PDE4D: variants seen among roughly 807,000 people sequenced by gnomAD.
The protein encoded by PDE4D is phosphodiesterase 4D, also known as 3',5'-cyclic-AMP phosphodiesterase 4D.
In PDE4D, 24 loss-of-function variants were observed where a neutral mutation model predicts 87.4. The observed-to-expected ratio is 0.27, with a 90% CI of 0.20 to 0.39. The LOEUF (loss-of-function observed/expected upper bound fraction) is 0.39, where lower values mean the gene tolerates loss of function less well. Ranked by LOEUF, PDE4D falls within the 10% of genes least tolerant of loss-of-function variation. The probability of loss-of-function intolerance (pLI) is 1.00; values close to 1 mark genes in which losing one functional copy is unlikely to be tolerated. For synonymous variants in PDE4D, 384 were observed against 383.2 expected (o/e 1.00, Z -0.02); for missense variants, 714 against 1,041.0 (o/e 0.69, Z 4.32).
At chr5:60,360,539 G>A (rs768997636) in intron 1 of PDE4D, among the ~76,000 whole-genome samples, 8 of 152,186 alleles carry the variant, frequency 5.3e-5, no homozygotes. Context: ...GGGAAAACGT[G>A]GGGAACTGTG....
At chr5:60,335,020 A>T (rs1757624005) in intron 1 of PDE4D, 1 of 152,210 alleles carries the variant, frequency 6.6e-6, no homozygotes, top group Non-Finnish European at 1.5e-5. Context: ...CTGTTCTAGG[A>T]GTATGAGCAG....
intron 5 of PDE4D, among the ~76,000 whole-genome samples, chr5:59,141,734 G>A (rs1777919699): frequency 6.6e-6 from 1 of 152,204 alleles, no homozygotes; most frequent in South Asian, 2.1e-4. Flanking sequence ...GGACGATGTT[G>A]TGGACATCGG....
At chr5:59,079,939 G>A (rs1008110307) in intron 5 of PDE4D, among the ~76,000 whole-genome samples, 1 of 151,560 alleles carries the variant, frequency 6.6e-6, no homozygotes, top group African/African-American at 2.4e-5. Flanking sequence ...GCAGAGGCAA[G>A]GGAAGGGGAA....
intron 1 of PDE4D, among the ~76,000 whole-genome samples, chr5:59,272,683 T>C (rs1416989056): frequency 1.3e-5 from 2 of 152,102 alleles, no homozygotes; most frequent in African/African-American, 2.4e-5. Flanking sequence ...AAGAGACAAA[T>C]AGATTAATTT....
At chr5:60,172,621 A>G (rs1783567246) in intron 2 of PDE4D, among the ~76,000 whole-genome samples, 1 of 152,118 alleles carries the variant, frequency 6.6e-6, no homozygotes, top group Non-Finnish European at 1.5e-5. Context: ...AAGTTTAAAG[A>G]AAGGGTTGAG....
Position 59,271,913 on chromosome 5 carries a change from A to AT in PDE4D, c.456-55946dup, listed in dbSNP as rs902990041. 9.4e-4 allele frequency among the ~76,000 whole-genome samples: 137 copies of AT among 146,380 alleles called. 1 individual carries two copies. The highest frequency in any genetic ancestry group is 3.5e-3 in the Middle Eastern group (1 of 288). ...AGTCCCCCTTACCTTCACTCCTACC[A>AT]TTTTTTTTTTTACTCCTAAAAAATA... is the stretch of plus-strand genomic sequence containing the variant. On this transcript the variant is annotated intron_variant, in intron 1 of 14. Transcript: ENST00000340635.
At chr5:60,486,037 T>C (rs1366251772) in intron 1 of PDE4D, among the ~76,000 whole-genome samples, 1 of 152,082 alleles carries the variant, frequency 6.6e-6, no homozygotes, top group East Asian at 1.9e-4. Flanking sequence ...ATGTAAACAA[T>C]GAAGGCATAA....
intron 1 of PDE4D, among the ~76,000 whole-genome samples, chr5:59,607,751 T>C (rs1229443760): frequency 6.6e-6 from 1 of 151,902 alleles, no homozygotes; most frequent in African/African-American, 2.4e-5. Context: ...GGAACCACAA[T>C]GCGGAAACAA....
intron 1 of PDE4D, among the ~76,000 whole-genome samples, chr5:60,414,364 AT>A (rs1443185608): frequency 9.9e-5 from 15 of 152,182 alleles, no homozygotes; most frequent in Admixed American, 9.8e-4. Flanking sequence ...CTCTATTAAG[AT>A]TTTTTATCTT....
At chr5:59,205,186 GGA>G (rs1196521979) in intron 2 of PDE4D, among the ~76,000 whole-genome samples, 1 of 149,330 alleles carries the variant, frequency 6.7e-6, no homozygotes, top group Non-Finnish European at 1.5e-5. Flanking sequence ...GAGTGTACAT[GGA>G]CCATGCAGTG....
At chr5:59,221,102 G>A (rs954885912) in intron 1 of PDE4D, among the ~76,000 whole-genome samples, 6 of 152,052 alleles carry the variant, frequency 3.9e-5, no homozygotes, top group African/African-American at 1.4e-4. Flanking sequence ...GGGACTCTGA[G>A]GCATAGACAA....
chr5:59,559,912 G>A (rs1003241773), intron 1 of PDE4D, among the ~76,000 whole-genome samples: 1 of 152,140 alleles, frequency 6.6e-6, no homozygotes, highest in Non-Finnish European at 1.5e-5. Flanking sequence ...TATAAATGAA[G>A]AAACATGCCA....
intron 3 of PDE4D, among the ~76,000 whole-genome samples, chr5:59,903,911 T>A (rs1020283586): frequency 6.6e-6 from 1 of 152,180 alleles, no homozygotes; most frequent in Non-Finnish European, 1.5e-5. Context: ...AAGATGGGTA[T>A]AAGCACCAGA....
rs1775972553 is a variant in PDE4D at position 60,098,992 on chromosome 5, G to A, written c.42+86565C>T. 2.0e-5 allele frequency among the ~76,000 whole-genome samples: 3 copies of A among 152,094 alleles called. No individual in the cohort carries two copies. The South Asian group carries it at 6.2e-4, about 32-fold the overall frequency. ...CATTTCTCTTAAGGCAGGTCTAGTG[G>A]AAATAAACTCTCTTAGCTTTCTTTT... On this transcript the variant is annotated intron_variant, in intron 2 of 16. Transcript: ENST00000502484.
intron 1 of PDE4D, among the ~76,000 whole-genome samples, chr5:59,672,838 A>G (rs1170997604): frequency 1.3e-5 from 2 of 152,224 alleles, no homozygotes; most frequent in Non-Finnish European, 2.9e-5. Context: ...TACCATCCCA[A>G]ACTGTAACCA....
intron 1 of PDE4D, among the ~76,000 whole-genome samples, chr5:60,197,074 CAGTTAGATAGATAGATAGATAGAT>C (rs1182733593): frequency 2.8e-3 from 150 of 53,570 alleles, no homozygotes; most frequent in African/African-American, 7.9e-3. Context: ...GATAGATAGA[CAGTTAGATAGATAGATAGATAGAT>C]AGATAGATAG....
chr5:59,845,411 A>G (rs1324167883), intron 1 of PDE4D, among the ~76,000 whole-genome samples: 1 of 152,086 alleles, frequency 6.6e-6, no homozygotes, highest in Non-Finnish European at 1.5e-5. Flanking sequence ...ATGAACAGCA[A>G]TCACAGATAG....
At chr5:60,129,275 T>G (rs1400634908) in intron 2 of PDE4D, among the ~76,000 whole-genome samples, 1 of 152,230 alleles carries the variant, frequency 6.6e-6, no homozygotes. Context: ...TTTCATATGC[T>G]TAATCATAAC....
chr5:60,203,080 C>G (rs1467945406), intron 1 of PDE4D, among the ~76,000 whole-genome samples: 1 of 152,196 alleles, frequency 6.6e-6, no homozygotes, highest in Non-Finnish European at 1.5e-5. Context: ...TCAAGTGATT[C>G]TTCTGCCTAG....
Sources: gnomAD v4.1 joint callset for allele counts (sites outside exome capture counted in the v4.1 genomes callset) on GRCh38, gnomAD v4.1.1 for gene constraint, MANE v1.5 for transcripts, NCBI Gene and HGNC (gene_info 2026-07-23, HGNC 2026-07-21) for gene names.